AFF1: variants seen among roughly 807,000 people sequenced by gnomAD.
The protein encoded by AFF1 is AF4/FMR2 family member 1.
In AFF1, 48 loss-of-function variants were observed where a neutral mutation model predicts 121.7. That is an observed-to-expected ratio of 0.39 (90% CI 0.31 to 0.50). The LOEUF (loss-of-function observed/expected upper bound fraction) is 0.50, where lower values mean the gene tolerates loss of function less well. AFF1 is among the 20% of genes least tolerant of loss of function. The pLI, the probability that AFF1 is intolerant of heterozygous loss-of-function variation, is 0.76. For synonymous variants in AFF1, 613 were observed against 563.0 expected (o/e 1.09, Z -1.26); for missense variants, 1,523 against 1,511.7 (o/e 1.01, Z -0.12).
chr4:86,944,027 C>T (rs555191358), intron 1 of AFF1, among the ~76,000 whole-genome samples: 6 of 151,566 alleles, frequency 4.0e-5, no homozygotes, highest in Non-Finnish European at 5.9e-5. Flanking sequence ...ATCTGTAGTC[C>T]CAGTTACTCT....
At chr4:86,944,466 A>G (rs187368675) in intron 1 of AFF1, among the ~76,000 whole-genome samples, 2 of 151,490 alleles carry the variant, frequency 1.3e-5, no homozygotes, top group Non-Finnish European at 2.9e-5. Flanking sequence ...TCCCAGGTTC[A>G]CGCCATTCTC....
At chr4:87,001,206 A>ATTT (rs1725687669) in intron 2 of AFF1, among the ~76,000 whole-genome samples, 5 of 24,028 alleles carry the variant, frequency 2.1e-4, no homozygotes, top group Non-Finnish European at 4.8e-4. Flanking sequence ...TCCTTTTTCT[A>ATTT]CTTTTTTTTT....
intron 1 of AFF1, among the ~76,000 whole-genome samples, chr4:86,941,168 G>A (rs1183769237): frequency 6.6e-6 from 1 of 152,128 alleles, no homozygotes; most frequent in East Asian, 1.9e-4. Context: ...AGTGCTAGGA[G>A]ACTATCCCTA....
rs1208915073 is a variant in AFF1 at position 86,950,336 on chromosome 4, A to C, written c.38+1765A>C. On this transcript the variant is annotated intron_variant, in intron 2 of 20. Transcript: ENST00000395146. The stretch of plus-strand genomic sequence containing the variant: ...TGGGACTACAGGCGCATGCCCCGAC[A>C]CCTGGCTAATTTTTGGTAGAGACGG... Among the ~76,000 whole-genome samples the C allele has an allele frequency of 2.0e-5, 3 of 152,082 alleles. No individual in the cohort carries two copies. In the East Asian group the frequency reaches 5.8e-4, roughly 29 times the overall value.
chr4:87,036,775 TAG>T (rs759464539), intron 2 of AFF1: 1 of 513,628 alleles, frequency 1.9e-6, no homozygotes, highest in African/African-American at 1.9e-5. Flanking sequence ...GTTTGAATGT[TAG>T]AACATATTCT....
Position 87,135,791 on chromosome 4 carries a change from CCAAACTCTAAAAAAGAA to C in AFF1, c.*91_*107del. ...TCCAGACATTTGTTTCATCAGGACA[CCAAACTCTAAAAAAGAA>C]GCACCACGAGATGGCCAGGACATTT... is the stretch of plus-strand genomic sequence containing the variant. On this transcript the variant is annotated 3_prime_UTR_variant, in exon 21 of 21. Transcript: ENST00000395146. 7.0e-7 allele frequency: 1 copy of C among 1,437,240 alleles called. No individual in the cohort carries two copies. Among genetic ancestry groups the C allele is most frequent in the Non-Finnish European group, 9.2e-7 (1 of 1,087,038 alleles). 89.0% of individuals were successfully genotyped at this position (1,437,240 alleles called of 1,614,324 possible).
At chr4:87,123,281 T>TA (rs1423705448) in intron 12 of AFF1, among the ~76,000 whole-genome samples, 24 of 152,168 alleles carry the variant, frequency 1.6e-4, no homozygotes, top group Admixed American at 3.9e-4. Flanking sequence ...TATACATCAG[T>TA]AAAAAAATCA....
intron 2 of AFF1, among the ~76,000 whole-genome samples, chr4:86,981,579 G>A (rs1301321071): frequency 6.6e-6 from 1 of 152,064 alleles, no homozygotes; most frequent in Non-Finnish European, 1.5e-5. Flanking sequence ...ATGTTGACCA[G>A]GCTGGTCTCA....
At chr4:87,036,791 A>AT (rs1729604514) in intron 2 of AFF1, 1 of 514,934 alleles carries the variant, frequency 1.9e-6, no homozygotes, top group Admixed American at 2.0e-5. Flanking sequence ...ATATTCTCTA[A>AT]TATGGCAGCA....
chr4:87,041,119 C>T (rs1730100553), intron 2 of AFF1, among the ~76,000 whole-genome samples: 1 of 152,014 alleles, frequency 6.6e-6, no homozygotes, highest in Non-Finnish European at 1.5e-5. Context: ...TCAAGTGATC[C>T]GCCCACCTTG....
Position 87,135,707 on chromosome 4 carries a change from C to T in AFF1, c.*6C>T. On this transcript the variant is annotated 3_prime_UTR_variant, in exon 21 of 21. Transcript: ENST00000395146. ...AATTAACCAAAACACCTTAATGGAG[C>T]CCCAGGTTGATTCAATGCCTTGGGA... 6.2e-7 allele frequency: 1 copy of T among 1,608,444 alleles called. No homozygotes were observed. Among genetic ancestry groups the T allele is most frequent in the South Asian group, 1.1e-5 (1 of 89,462 alleles).
At chr4:87,058,778 G>A (rs149228929) in intron 4 of AFF1, among the ~76,000 whole-genome samples, 209 of 152,206 alleles carry the variant, frequency 1.4e-3, no homozygotes, top group African/African-American at 4.9e-3. Context: ...ACAGAAGTAG[G>A]TAAACACTGT....
At chr4:87,134,770 A>C in intron 20 of AFF1, 76 bp downstream of exon 20, 1 of 1,272,896 alleles carries the variant, frequency 7.9e-7, no homozygotes, top group Non-Finnish European at 1.1e-6. Flanking sequence ...TATATTTTAT[A>C]AGTTCAGTTT....
At chr4:86,997,488 C>T (rs953677171) in intron 2 of AFF1, among the ~76,000 whole-genome samples, 2 of 152,132 alleles carry the variant, frequency 1.3e-5, no homozygotes, top group South Asian at 2.1e-4. Flanking sequence ...TTGGGCTGGG[C>T]GCAGTGGCTC....
At chr4:87,086,089 T>C (rs1342989807) in intron 5 of AFF1, among the ~76,000 whole-genome samples, 4 of 152,200 alleles carry the variant, frequency 2.6e-5, no homozygotes, top group Non-Finnish European at 5.9e-5. Flanking sequence ...TCAACCAGCA[T>C]GTAAGATTAA....
At chr4:87,117,636 T>A (rs908791266) in intron 12 of AFF1, among the ~76,000 whole-genome samples, 2 of 152,196 alleles carry the variant, frequency 1.3e-5, no homozygotes, top group African/African-American at 2.4e-5. Context: ...TGTTTAGACA[T>A]CATGATCTAG....
rs761317980 is a variant in AFF1 at position 87,131,871 on chromosome 4, A to G, written c.3173+7A>G. 6.4e-6 allele frequency: 10 copies of G among 1,573,528 alleles called. No homozygotes were observed. The highest frequency in any genetic ancestry group is 8.6e-6 in the Non-Finnish European group (10 of 1,166,866). ...AAATATTTGCTGTTTTATGGTGCGT[A>G]TTTTCCTTTGTCTAAATAGTACTAA... On this transcript the variant is annotated splice_region_variant and intron_variant, in intron 18 of 20. Transcript: ENST00000395146.
intron 4 of AFF1, among the ~76,000 whole-genome samples, chr4:87,069,567 T>TCTCTCCTCTCTCC (rs1344901282): frequency 7.8e-6 from 1 of 127,480 alleles, no homozygotes; most frequent in Non-Finnish European, 1.5e-5. Flanking sequence ...CCCTCTCCTC[T>TCTCTCCTCTCTCC]CTCTCCTCTC....
At chr4:86,980,947 A>AG (rs1723691095) in intron 2 of AFF1, among the ~76,000 whole-genome samples, 2 of 102,432 alleles carry the variant, frequency 2.0e-5, no homozygotes, top group African/African-American at 3.5e-5. Flanking sequence ...GGCTTGAGGC[A>AG]CCCCCCCCCT....
Sources: gnomAD v4.1 joint callset for allele counts (sites outside exome capture counted in the v4.1 genomes callset) on GRCh38, gnomAD v4.1.1 for gene constraint, MANE v1.5 for transcripts, NCBI Gene and HGNC (gene_info 2026-07-23, HGNC 2026-07-21) for gene names.